The following MARF1 variants were observed in gnomAD, a reference collection of about 807,000 sequenced individuals.
MARF1 encodes limkain-b1.
MARF1 carries 24 observed loss-of-function variants against 168.2 expected under a neutral mutation model. The ratio of observed to expected loss-of-function variants is 0.14; its 90% confidence interval spans 0.10 to 0.20. The LOEUF is 0.20. Among genes scored for constraint, MARF1 ranks in the 10% least tolerant of loss-of-function variants. MARF1 has a pLI of 1.00. For missense variants in MARF1, 1,744 were observed against 2,143.6 expected (o/e 0.81, Z 3.68); for synonymous variants, 868 against 822.4 (o/e 1.06, Z -0.95).
Position 15,623,099 on chromosome 16 carries a change from G to A in MARF1, c.2295C>T (p.Asn765=), listed in dbSNP as rs2034581165. ...TGTTGAAAGCAAGCGGGGATGCTCT[G>A]TTTAAAAGGTTTGGAGACATACTCC... is the stretch of plus-strand genomic sequence containing the variant. ...SSRSMSPNLL[N]RASPLAFNIA... The change falls in exon 11 of 27, where the codon AAC becomes AAT. Residue 765 remains asparagine, a synonymous_variant. Coordinates refer to ENST00000396368, the MANE Select transcript of MARF1 (RefSeq NM_014647.4). 6.2e-7 allele frequency: 1 copy of A among 1,601,840 alleles called. No homozygotes were observed. The highest frequency in any genetic ancestry group is 1.3e-5 in the African/African-American group (1 of 74,756).
rs533235779 is a variant in MARF1 at position 15,617,394 on chromosome 16, G to A, written c.2862C>T (p.His954=). 24 of 1,614,110 alleles carry A rather than the reference G, an allele frequency of 1.5e-5. No homozygotes were observed. The highest frequency in any genetic ancestry group is 1.0e-4 in the Admixed American group (6 of 60,014). ...RQSPLGSSQS[H]DGSSTNCSPI... is the part of the protein sequence containing the mutation. ...GGCTGCAATTCGTGGAGGAGCCGTC[G>A]TGTGACTGGGAAGACCCCAAGGGGC... is the stretch of plus-strand genomic sequence containing the variant. Residue 954 remains histidine, a synonymous_variant, in exon 14 of 27, where the codon CAC becomes CAT. Coordinates refer to ENST00000396368, the MANE Select transcript of MARF1 (RefSeq NM_014647.4).
intron 25 of MARF1, 131 bp from the exon 26 acceptor site, chr16:15,599,155 A>T (rs1485802112): frequency 5.7e-5 from 9 of 157,172 alleles, no homozygotes; most frequent in South Asian, 8.0e-5. Context: ...TTAAGGTATT[A>T]AAAAAAAAAA....
intron 5 of MARF1, 68 bp from the exon 6 acceptor site, chr16:15,631,566 C>A: frequency 9.1e-7 from 1 of 1,094,246 alleles, no homozygotes; most frequent in South Asian, 1.4e-5. Flanking sequence ...ACATTCTGCC[C>A]ATATTTTTTA....
intron 22 of MARF1, 49 bp downstream of exon 22, chr16:15,604,119 C>G: frequency 7.2e-7 from 1 of 1,392,236 alleles, no homozygotes; most frequent in Non-Finnish European, 1.0e-6. Context: ...CGGAAATGCC[C>G]AATCGATAGT....
At chr16:15,638,951 A>AT (rs2035772113) in intron 2 of MARF1, 139 bp downstream of exon 2, 2 of 703,622 alleles carry the variant, frequency 2.8e-6, no homozygotes, top group Non-Finnish European at 4.4e-6. Flanking sequence ...ATAATGTGGT[A>AT]TAAGAGGCAA....
chr16:15,639,971 G>T (rs184777681), intron 1 of MARF1, among the ~76,000 whole-genome samples: 1 of 152,114 alleles, frequency 6.6e-6, no homozygotes, highest in Non-Finnish European at 1.5e-5. Context: ...CCATATCTTG[G>T]AAACTTGCAT....
intron 20 of MARF1, 146 bp from the exon 21 acceptor site, chr16:15,608,664 G>A (rs2033244187): frequency 3.2e-6 from 2 of 623,228 alleles, no homozygotes; most frequent in South Asian, 4.0e-5. Context: ...AGATGAAAAA[G>A]TTCAGAAGAT....
chr16:15,610,421 T>C (rs2033420654), intron 19 of MARF1: 1 of 153,128 alleles, frequency 6.5e-6, no homozygotes, highest in Admixed American at 6.5e-5. Context: ...TACTCAAGTC[T>C]TGCGGTCTGC....
At chr16:15,609,133 G>C (rs1473101006) in intron 20 of MARF1, among the ~76,000 whole-genome samples, 1 of 152,148 alleles carries the variant, frequency 6.6e-6, no homozygotes, top group Non-Finnish European at 1.5e-5. Flanking sequence ...CCAGCTACTC[G>C]GGAGGTTGAG....
Position 15,625,142 on chromosome 16 carries a change from T to C in MARF1, c.1985A>G (p.His662Arg). 1.9e-6 allele frequency: 3 copies of C among 1,614,156 alleles called. No homozygotes were observed. The highest frequency in any genetic ancestry group is 2.5e-6 in the Non-Finnish European group (3 of 1,180,032). ...ACCTTGCTGGTGCTCACTGTTTCTA[T>C]GACCAGTTTTTGACTCCATGCGGCA... ...ELCRMESKTG[H>R]RNSEHQQGHL... Residue 662 changes from histidine (H) to arginine (R), a missense_variant, in exon 9 of 27, where the codon CAT becomes CGT. His to Arg is a conservative substitution (Grantham distance 29, BLOSUM62 0). Coordinates refer to ENST00000396368, the MANE Select transcript of MARF1 (RefSeq NM_014647.4).
intron 22 of MARF1, chr16:15,602,792 G>A (rs1282161924): frequency 8.0e-6 from 3 of 372,742 alleles, no homozygotes; most frequent in Non-Finnish European, 1.6e-5. Context: ...GGCAAACTGT[G>A]TTGGCAAATC....
intron 4 of MARF1, 56 bp from the exon 5 acceptor site, chr16:15,633,899 C>A (rs2151286160): frequency 7.2e-7 from 1 of 1,382,078 alleles, no homozygotes; most frequent in South Asian, 1.3e-5. Context: ...TGGCAAGTTA[C>A]AATAAGATAA....
rs756141332 is a variant in MARF1, at chr16:15,623,155, A to T, written c.2271-32T>A. ...AAAACACACATATTGACATTATTTT[A>T]AAAAACTGTTCTGTATATTTAGATT... On this transcript the variant is annotated intron_variant, in intron 10 of 26. Coordinates refer to ENST00000396368, the MANE Select transcript of MARF1 (RefSeq NM_014647.4). 13 of 1,505,750 alleles carry T rather than the reference A, an allele frequency of 8.6e-6. No individual in the cohort carries two copies. The East Asian group carries it at 2.1e-4, about 24-fold the overall frequency. 93.3% of individuals were successfully genotyped at this position (1,505,750 alleles called of 1,614,324 possible).
rs533952301 is a variant in MARF1, at chr16:15,643,073, C to T, written c.-114G>A. 7.2e-6 allele frequency: 2 copies of T among 279,554 alleles called. No individual in the cohort carries two copies. Among genetic ancestry groups the T allele is most frequent in the South Asian group, 2.8e-5 (1 of 36,326 alleles). The allele number at this position is 279,554 out of a possible 1,614,324, so 17.3% of individuals were successfully genotyped here. A position where few individuals can be genotyped will look rare whatever the true frequency, so the allele number is the denominator to read the frequency against. ...TCCGGCCCCGCCGCCTTCCCCCCGC[C>T]CCCCCCAGGCCCTTTGTTTTGATTC... On this transcript the variant is annotated 5_prime_UTR_variant, in exon 1 of 27. Transcript: ENST00000396368.
At chr16:15,598,084 G>C (rs1250929780) in intron 26 of MARF1, among the ~76,000 whole-genome samples, 1 of 152,194 alleles carries the variant, frequency 6.6e-6, no homozygotes, top group African/African-American at 2.4e-5. Context: ...AACAGATGAA[G>C]AGCAGGGAGG....
At chr16:15,623,606 G>C (rs147022672) in intron 10 of MARF1, among the ~76,000 whole-genome samples, 1 of 152,142 alleles carries the variant, frequency 6.6e-6, no homozygotes, top group Non-Finnish European at 1.5e-5. Context: ...AATACACATT[G>C]ATTTCAGACA....
chr16:15,617,125 G>A lies in MARF1; in HGVS notation c.3004C>T (p.Leu1002Phe), dbSNP rs1213825665. The change falls in exon 15 of 27, where the codon CTT becomes TTT. Residue 1002 changes from leucine (L) to phenylalanine (F), a missense_variant. Leu to Phe is a conservative substitution (Grantham distance 22). This residue lies in a region of MARF1 where 543 missense variants were observed against 742.1 expected (regional missense o/e 0.73). Transcript: ENST00000396368. The part of the protein sequence containing the change: ...PDSYKIPFVI[L>F]SLKTFAPQVH... Reference sequence around the variant, plus strand: ...TGGGGCGCAAATGTCTTCAAAGAAAGAATCACAAAAGGAATCTTGTAAGAG... The same window carrying A: ...TGGGGCGCAAATGTCTTCAAAGAAAAAATCACAAAAGGAATCTTGTAAGAG... 1.2e-6 allele frequency: 2 copies of A among 1,614,088 alleles called. No homozygotes were observed. Among genetic ancestry groups the A allele is most frequent in the Non-Finnish European group, 1.7e-6 (2 of 1,179,994 alleles).
intron 1 of MARF1, among the ~76,000 whole-genome samples, chr16:15,640,060 C>G (rs936312703): frequency 5.3e-5 from 8 of 152,166 alleles, no homozygotes; most frequent in Non-Finnish European, 8.8e-5. Context: ...TTTCGGCTCT[C>G]TCTCCCTAAA....
chr16:15,619,484 G>A (rs947818806), intron 13 of MARF1, among the ~76,000 whole-genome samples: 6 of 152,126 alleles, frequency 3.9e-5, no homozygotes, highest in African/African-American at 1.4e-4. Flanking sequence ...TCTTCCTGCA[G>A]CATGATTCCC....
Sources: allele counts gnomAD v4.1 joint callset (sites outside exome capture counted in the v4.1 genomes callset), GRCh38; gene constraint gnomAD v4.1.1; regional missense constraint gnomAD v4.1.1; transcripts MANE v1.5; gene names NCBI Gene and HGNC (gene_info 2026-07-23, HGNC 2026-07-21).